The following ELP4 variants were observed in gnomAD, a reference collection of about 807,000 sequenced individuals.
ELP4 encodes elongator complex protein 4.
In ELP4, 51 loss-of-function variants were observed where a neutral mutation model predicts 48.9. The ratio of observed to expected loss-of-function variants is 1.04; its 90% CI spans 0.83 to 1.32. The LOEUF (loss-of-function observed/expected upper bound fraction) is 1.32. Ranked by LOEUF, ELP4 falls within the 40% of genes most tolerant of loss-of-function variation. The probability of loss-of-function intolerance (pLI) is 0.00; values close to 1 mark genes in which losing one functional copy is unlikely to be tolerated. For missense variants in ELP4, 519 were observed against 514.6 expected, an observed-to-expected ratio of 1.01 and a Z score of -0.08; for synonymous variants, 210 against 189.2, an observed-to-expected ratio of 1.11 and a Z score of -0.90.
intron 4 of ELP4, among the ~76,000 whole-genome samples, chr11:31,598,307 T>C (rs544277706): frequency 6.6e-6 from 1 of 152,126 alleles, no homozygotes; most frequent in Non-Finnish European, 1.5e-5. Flanking sequence ...GGGTAAAAAT[T>C]ATTTGTTTCT....
At chr11:31,696,165 C>A (rs562715163) in intron 9 of ELP4, among the ~76,000 whole-genome samples, 1 of 152,164 alleles carries the variant, frequency 6.6e-6, no homozygotes, top group East Asian at 1.9e-4. Flanking sequence ...GTCTCTATCT[C>A]CTTCTGTTCT....
At chr11:31,655,733 A>T (rs1945419322) in intron 9 of ELP4, among the ~76,000 whole-genome samples, 1 of 152,028 alleles carries the variant, frequency 6.6e-6, no homozygotes, top group Non-Finnish European at 1.5e-5. Context: ...ATGATTGACC[A>T]AAGATGGCTA....
rs139076776 is a variant in ELP4, at chr11:31,618,706, A to C, written c.654-8404A>C. ...TGAAATATAGAGAGGCAGAAAGTAC[A>C]TTAATGGTTCCTTAGGGCTAGGAGA... On this transcript the variant is annotated intron_variant, in intron 5 of 9. Transcript: ENST00000640961. Among the ~76,000 whole-genome samples, 51 of 152,276 alleles carry C rather than the reference A, an allele frequency of 3.3e-4. No homozygotes were observed. In the South Asian group the frequency reaches 3.7e-3, roughly 11 times the overall value.
Position 31,783,432 on chromosome 11 carries a change from C to A in ELP4, c.1183C>A (p.Arg395Ser). 6.2e-7 allele frequency: 1 copy of A among 1,614,106 alleles called. No individual in the cohort carries two copies. The highest frequency in any genetic ancestry group is 8.5e-7 in the Non-Finnish European group (1 of 1,179,962). ...LPPDLSDTVS[R>S]SSKMDLAESA... ...TCCAGACTTGTCAGACACAGTGAGC[C>A]GCTCAAGCAAAATGGATCTGGCAGA... Residue 395 changes from arginine to serine, a missense_variant, in exon 10 of 10, where the codon CGC becomes AGC. Arg to Ser is a moderately radical substitution (Grantham distance 110, BLOSUM62 -1). Transcript: ENST00000640961.
intron 4 of ELP4, among the ~76,000 whole-genome samples, chr11:31,597,002 A>G (rs966125499): frequency 6.6e-6 from 1 of 152,156 alleles, no homozygotes; most frequent in African/African-American, 2.4e-5. Context: ...AAGACACTGT[A>G]TTAGCTAGGA....
At chr11:31,624,986 G>A (rs1336406274) in intron 5 of ELP4, among the ~76,000 whole-genome samples, 1 of 150,274 alleles carries the variant, frequency 6.7e-6, no homozygotes, top group African/African-American at 2.4e-5. Flanking sequence ...ACTACCTCCT[G>A]AAGGACCTGG....
intron 9 of ELP4, among the ~76,000 whole-genome samples, chr11:31,694,404 A>C (rs1592229892): frequency 6.6e-6 from 1 of 152,178 alleles, no homozygotes; most frequent in South Asian, 2.1e-4. Flanking sequence ...TCCTAGCACC[A>C]TTTATTGAAT....
At chr11:31,525,533 A>G (rs893980378) in intron 2 of ELP4, among the ~76,000 whole-genome samples, 18 of 152,214 alleles carry the variant, frequency 1.2e-4, no homozygotes, top group Non-Finnish European at 2.9e-5. Context: ...CATATGGAAA[A>G]CAATCAGTAC....
intron 3 of ELP4, among the ~76,000 whole-genome samples, chr11:31,579,579 T>G (rs146914847): frequency 1.4e-3 from 207 of 152,188 alleles, no homozygotes; most frequent in African/African-American, 4.6e-3. Flanking sequence ...ATGAGGCACA[T>G]ATACACTATG....
At chr11:31,639,628 G>A (rs1424162734) in intron 7 of ELP4, among the ~76,000 whole-genome samples, 1 of 151,756 alleles carries the variant, frequency 6.6e-6, no homozygotes, top group Non-Finnish European at 1.5e-5. Flanking sequence ...TCTATATTAA[G>A]CATAGTAGTA....
rs975489709 is a variant in ELP4 at position 31,746,900 on chromosome 11, T to C, written c.1144-36493T>C. ...ACTTAAAGTATAATAATAATAATAATTTTTTTAAAAAGTGAAAAAAATAAA... is the reference window on the plus strand; with the variant it reads ...ACTTAAAGTATAATAATAATAATAACTTTTTTAAAAAGTGAAAAAAATAAA... On this transcript the variant is annotated intron_variant, in intron 9 of 9. Coordinates refer to ENST00000640961, the MANE Select transcript of ELP4 (RefSeq NM_019040.5). Among the ~76,000 whole-genome samples, 5 of 148,880 alleles carry C rather than the reference T, an allele frequency of 3.4e-5. No homozygotes were observed. In the South Asian group the frequency reaches 1.1e-3, roughly 32 times the overall value.
chr11:31,741,550 TC>T (rs960985667), intron 9 of ELP4, among the ~76,000 whole-genome samples: 1 of 152,072 alleles, frequency 6.6e-6, no homozygotes. Flanking sequence ...AGACAAAACT[TC>T]CAGAGGAACT....
intron 9 of ELP4, among the ~76,000 whole-genome samples, chr11:31,706,011 C>G (rs1025084636): frequency 3.3e-5 from 5 of 152,016 alleles, no homozygotes; most frequent in African/African-American, 9.7e-5. Flanking sequence ...CACCACCACT[C>G]CTGGCTGATT....
Position 31,603,752 on chromosome 11 carries a change from G to A in ELP4, c.514-16G>A, listed in dbSNP as rs758527327. On this transcript the variant is annotated splice_polypyrimidine_tract_variant and intron_variant, in intron 4 of 9. Coordinates refer to ENST00000640961, the MANE Select transcript of ELP4 (RefSeq NM_019040.5). ...AAATAATTGTTTAACAACCACTATG[G>A]GGTTTATTTTAGCAGATTGGACCAG... The A allele has an allele frequency of 6.2e-7, 1 of 1,601,336 alleles. No individual in the cohort carries two copies. Among genetic ancestry groups the A allele is most frequent in the Admixed American group, 1.7e-5 (1 of 58,836 alleles).
chr11:31,539,553 T>A, intron 2 of ELP4, 109 bp from the exon 3 acceptor site: 2 of 1,162,834 alleles, frequency 1.7e-6, no homozygotes, highest in Non-Finnish European at 2.4e-6. Flanking sequence ...CCTCATATAC[T>A]TGTTTTAAGG....
chr11:31,644,557 A>G (rs186188361), intron 7 of ELP4, among the ~76,000 whole-genome samples: 8 of 151,910 alleles, frequency 5.3e-5, no homozygotes, highest in African/African-American at 1.9e-4. Flanking sequence ...TATTATGACA[A>G]TTTATTATCC....
At chr11:31,599,764 C>T (rs766213574) in intron 4 of ELP4, 1 of 152,140 alleles carries the variant, frequency 6.6e-6, no homozygotes, top group African/African-American at 2.4e-5. Context: ...ATCAGGAGAA[C>T]AGCATGGGGG....
chr11:31,578,279 G>A (rs2133967446), intron 3 of ELP4, among the ~76,000 whole-genome samples: 1 of 152,094 alleles, frequency 6.6e-6, no homozygotes, highest in East Asian at 1.9e-4. Context: ...CCACTGCTCA[G>A]CGAAAGAAGA....
At chr11:31,586,022 A>G (rs1443092341) in intron 3 of ELP4, among the ~76,000 whole-genome samples, 3 of 152,134 alleles carry the variant, frequency 2.0e-5, no homozygotes, top group Admixed American at 6.6e-5. Context: ...GAGTTCAAGG[A>G]AAAAGAAAAC....
Sources: allele counts gnomAD v4.1 joint callset (sites outside exome capture counted in the v4.1 genomes callset), GRCh38; gene constraint gnomAD v4.1.1; transcripts MANE v1.5; gene names NCBI Gene and HGNC (gene_info 2026-07-23, HGNC 2026-07-21).